The following BABAM2 variants were observed in gnomAD, a reference collection of about 807,000 sequenced individuals.
The protein encoded by BABAM2 is BRISC and BRCA1 A complex member 2.
In BABAM2, 31 loss-of-function variants were observed where a neutral mutation model predicts 54.7. The observed-to-expected ratio is 0.57, with a 90% CI of 0.43 to 0.77. The LOEUF is 0.77. Ranked by LOEUF, BABAM2 falls within the 30% of genes least tolerant of loss-of-function variation. The pLI, the probability that BABAM2 is intolerant of heterozygous loss-of-function variation, is 0.00. For missense variants in BABAM2, 364 were observed against 455.8 expected (o/e 0.80, Z 1.83); for synonymous variants, 167 against 162.9 (o/e 1.03, Z -0.19).
intron 3 of BABAM2, among the ~76,000 whole-genome samples, chr2:27,965,216 A>C (rs1018194823): frequency 7.2e-5 from 11 of 152,120 alleles, no homozygotes; most frequent in African/African-American, 2.7e-4. Context: ...GGTTTTTTCC[A>C]ACTCTGTAAG....
chr2:28,301,940 C>T (rs1012455917), intron 11 of BABAM2, among the ~76,000 whole-genome samples: 4 of 152,106 alleles, frequency 2.6e-5, no homozygotes, highest in Admixed American at 6.5e-5. Flanking sequence ...CAAGTTTTGA[C>T]GAAGTTACCT....
intron 6 of BABAM2, among the ~76,000 whole-genome samples, chr2:28,112,150 C>CTTTCTTTCTTTCTTT (rs1558346816): frequency 2.1e-3 from 4 of 1,870 alleles, no homozygotes; most frequent in Non-Finnish European, 4.0e-3. Flanking sequence ...TCTTTCTTTA[C>CTTTCTTTCTTTCTTT]CTCCCTCCCT....
chr2:27,926,528 C>T (rs1667718922), intron 2 of BABAM2, among the ~76,000 whole-genome samples: 1 of 152,166 alleles, frequency 6.6e-6, no homozygotes, highest in South Asian at 2.1e-4. Context: ...CCTCTTTGAT[C>T]TTCCAGTGTA....
chr2:28,097,776 ACT>A (rs761357574), intron 6 of BABAM2, among the ~76,000 whole-genome samples: 12 of 151,690 alleles, frequency 7.9e-5, no homozygotes, highest in Admixed American at 2.6e-4. Context: ...ATATATTTTC[ACT>A]CTCTAGCCTG....
intron 11 of BABAM2, among the ~76,000 whole-genome samples, chr2:28,335,420 T>C (rs1471046462): frequency 2.6e-5 from 4 of 152,224 alleles, no homozygotes; most frequent in Non-Finnish European, 5.9e-5. Flanking sequence ...TACACCCGCC[T>C]CGGCCTCCAA....
intron 2 of BABAM2, among the ~76,000 whole-genome samples, chr2:27,924,467 CTCT>C (rs1667539496): frequency 3.3e-5 from 5 of 152,206 alleles, no homozygotes; most frequent in African/African-American, 1.2e-4. Context: ...TCACTGCAAC[CTCT>C]GTATCTTGGG....
At chr2:28,206,488 TC>T (rs1227527686) in intron 7 of BABAM2, among the ~76,000 whole-genome samples, 3 of 152,144 alleles carry the variant, frequency 2.0e-5, no homozygotes, top group Non-Finnish European at 4.4e-5. Context: ...CCATACCTTT[TC>T]TGAGGCTTAG....
At chr2:28,315,693 A>G (rs1259073448) in intron 11 of BABAM2, among the ~76,000 whole-genome samples, 3 of 149,798 alleles carry the variant, frequency 2.0e-5, no homozygotes, top group Non-Finnish European at 4.4e-5. Context: ...GAGTCTCACT[A>G]TGTTGCCCAG....
intron 7 of BABAM2, among the ~76,000 whole-genome samples, chr2:28,173,757 A>G (rs187986702): frequency 6.6e-6 from 1 of 152,362 alleles, no homozygotes; most frequent in East Asian, 1.9e-4. Context: ...TGATTTATCA[A>G]TTCGTCGTTT....
intron 3 of BABAM2, among the ~76,000 whole-genome samples, chr2:27,937,356 G>A (rs1479462829): frequency 2.0e-5 from 3 of 152,190 alleles, no homozygotes; most frequent in Non-Finnish European, 4.4e-5. Context: ...TCAAACTCCT[G>A]ACCTCGAGAT....
intron 5 of BABAM2, among the ~76,000 whole-genome samples, chr2:28,038,007 A>G (rs1316941345): frequency 6.6e-6 from 1 of 152,244 alleles, no homozygotes; most frequent in Non-Finnish European, 1.5e-5. Flanking sequence ...TGACAAAATA[A>G]CACATTTCCA....
rs528916864 is a variant in BABAM2, at chr2:27,992,893, C to G, written c.300+4806C>G. On this transcript the variant is annotated intron_variant, in intron 4 of 11. Transcript: ENST00000379624. Reference sequence around the variant, plus strand: ...TTTATTTACTCTACCTGTAACCCTTCCTGCACTTACCTGAATGGCTTGTTC... The same window carrying G: ...TTTATTTACTCTACCTGTAACCCTTGCTGCACTTACCTGAATGGCTTGTTC... Among the ~76,000 whole-genome samples, 13 of 152,308 alleles carry G rather than the reference C, an allele frequency of 8.5e-5. No homozygotes were observed. The East Asian group carries it at 2.5e-3, about 29-fold the overall frequency.
intron 3 of BABAM2, among the ~76,000 whole-genome samples, chr2:27,975,649 G>GAGTT (rs1188099137): frequency 2.0e-5 from 3 of 152,040 alleles, no homozygotes; most frequent in Non-Finnish European, 4.4e-5. Context: ...GCTGGGCATT[G>GAGTT]AGTTAGATAC....
At chr2:27,971,608 T>C (rs950508577) in intron 3 of BABAM2, among the ~76,000 whole-genome samples, 6 of 151,942 alleles carry the variant, frequency 3.9e-5, no homozygotes, top group Non-Finnish European at 7.4e-5. Context: ...ATACATAGTG[T>C]TCTAGGAGCT....
intron 6 of BABAM2, among the ~76,000 whole-genome samples, chr2:28,069,245 T>G (rs537437347): frequency 6.6e-6 from 1 of 152,350 alleles, no homozygotes; most frequent in African/African-American, 2.4e-5. Context: ...GTTTACTTAC[T>G]TGGTATTAGG....
At chr2:28,137,737 A>C (rs1670679627) in intron 7 of BABAM2, among the ~76,000 whole-genome samples, 1 of 152,224 alleles carries the variant, frequency 6.6e-6, no homozygotes, top group Non-Finnish European at 1.5e-5. Context: ...CAGAAAATAC[A>C]CATTTAGAAA....
rs561051261 is a variant in BABAM2 at position 28,000,463 on chromosome 2, A to T, written c.300+12376A>T. On this transcript the variant is annotated intron_variant, in intron 4 of 11. Coordinates refer to ENST00000379624, the MANE Select transcript of BABAM2 (RefSeq NM_199191.3). ...TTTCATCACATATCAAGTCATATTG[A>T]TAGCCACATACTATTGATATGACTT... 4.6e-5 allele frequency among the ~76,000 whole-genome samples: 7 copies of T among 152,276 alleles called. No homozygotes were observed. The South Asian group carries it at 8.3e-4, about 18-fold the overall frequency.
intron 4 of BABAM2, among the ~76,000 whole-genome samples, chr2:28,004,145 AC>A (rs1422719191): frequency 2.6e-5 from 4 of 151,260 alleles, no homozygotes; most frequent in African/African-American, 9.7e-5. Context: ...AAAAAAAAAA[AC>A]ACTTAGCCAT....
At position 28,199,275 on chromosome 2, in the gene BABAM2, G is replaced by A. The variant is rs146230330; in HGVS notation, c.681-37927G>A. ...GCCGACACACATCCTTTGCTCTTTCGTTACGTGCTTGTAACAAGTTGCATG... is the reference window on the plus strand; with the variant it reads ...GCCGACACACATCCTTTGCTCTTTCATTACGTGCTTGTAACAAGTTGCATG... On this transcript the variant is annotated intron_variant, in intron 7 of 11. Coordinates refer to ENST00000379624, the MANE Select transcript of BABAM2 (RefSeq NM_199191.3). Among the ~76,000 whole-genome samples, 47 of 152,294 alleles carry A rather than the reference G, an allele frequency of 3.1e-4. 1 individual carries two copies. The East Asian group carries it at 7.7e-3, about 25-fold the overall frequency.
Sources: allele counts gnomAD v4.1 joint callset (sites outside exome capture counted in the v4.1 genomes callset), GRCh38; gene constraint gnomAD v4.1.1; transcripts MANE v1.5; gene names NCBI Gene and HGNC (gene_info 2026-07-23, HGNC 2026-07-21).